Variants in VIPR2 observed in about 807,000 individuals in gnomAD.
The protein encoded by VIPR2 is vasoactive intestinal peptide receptor 2, also known as vasoactive intestinal polypeptide receptor 2.
Under a neutral mutation model 58.0 loss-of-function variants are expected in VIPR2, and 48 were observed. That is an observed-to-expected ratio of 0.83 (90% CI 0.66 to 1.05). The LOEUF (loss-of-function observed/expected upper bound fraction) is 1.05. Ranked by LOEUF, VIPR2 falls within the 50% of genes least tolerant of loss-of-function variation. VIPR2 has a pLI of 0.00. For synonymous variants in VIPR2, 243 were observed against 235.2 expected (o/e 1.03, Z -0.30); for missense variants, 534 against 558.0 (o/e 0.96, Z 0.43).
At position 159,096,976 on chromosome 7, in the gene VIPR2, T is replaced by A. The variant is rs1207740028; in HGVS notation, c.357+6781A>T. ...TGGCACCTGCTGGGCCTGAGGACCA[T>A]GAGGGGAGGCTTCCTTCAGAAAAGC... On this transcript the variant is annotated intron_variant, in intron 4 of 12. Transcript: ENST00000262178. This position sits in a 1 kb window ranked among gnomAD's most constrained non-coding sequence, Gnocchi z 5.5. 1.1e-5 allele frequency: 17 copies of A among 1,550,572 alleles called. No homozygotes were observed. The highest frequency in any genetic ancestry group is 1.2e-5 in the Non-Finnish European group (14 of 1,146,972).
intron 3 of VIPR2, 131 bp downstream of exon 3, chr7:159,109,681 C>A: frequency 1.2e-6 from 1 of 813,246 alleles, no homozygotes; most frequent in Non-Finnish European, 2.0e-6. Flanking sequence ...TATGCCACAG[C>A]TGTTCCCTGA....
intron 2 of VIPR2, among the ~76,000 whole-genome samples, chr7:159,121,897 T>C (rs1796467767): frequency 6.6e-6 from 1 of 152,216 alleles, no homozygotes; most frequent in South Asian, 2.1e-4. Context: ...AAATGCTCAT[T>C]AATAATGTGT....
In VIPR2 at chr7:159,096,579, G is replaced by A. The variant is rs980455790; in HGVS notation, c.357+7178C>T. Among the ~76,000 whole-genome samples, 4 of 152,224 alleles carry A rather than the reference G, an allele frequency of 2.6e-5. No homozygotes were observed. The highest frequency in any genetic ancestry group is 9.6e-5 in the African/African-American group (4 of 41,460). ...GCCATCCCCAGGCACCAGCGTATCT[G>A]TGCATTTCCTTCTTAACCTCCTTCC... On this transcript the variant is annotated intron_variant, in intron 4 of 12. Coordinates refer to ENST00000262178, the MANE Select transcript of VIPR2 (RefSeq NM_003382.5). This position sits in a 1 kb window ranked among gnomAD's most constrained non-coding sequence, Gnocchi z 5.5.
intron 12 of VIPR2, 97 bp from the exon 13 acceptor site, chr7:159,030,886 G>T (rs1585316838): frequency 5.9e-6 from 8 of 1,366,908 alleles, no homozygotes; most frequent in African/African-American, 1.5e-5. Flanking sequence ...TCTCCCTCCC[G>T]CCTGCTCCCG....
At chr7:159,071,796 C>A (rs555792100) in intron 4 of VIPR2, among the ~76,000 whole-genome samples, 1 of 148,306 alleles carries the variant, frequency 6.7e-6, no homozygotes, top group African/African-American at 2.5e-5. Flanking sequence ...ACGATGGTAC[C>A]GGCAGGTAAG....
intron 4 of VIPR2, among the ~76,000 whole-genome samples, chr7:159,102,126 C>A (rs370495234): frequency 8.7e-6 from 1 of 114,794 alleles, no homozygotes; most frequent in South Asian, 2.8e-4. Context: ...CCGACAAGGC[C>A]GTTCCCCCGA....
rs1057127767 is a variant in VIPR2 at position 159,126,041 on chromosome 7, C to T, written c.152-16122G>A. ...ATGAAACAATGCAGGAAGCTGGATG[C>T]GACACCATCCAGGTCCAGATTTCAC... On this transcript the variant is annotated intron_variant, in intron 2 of 12. Transcript: ENST00000262178. Among the ~76,000 whole-genome samples, 5 of 152,158 alleles carry T rather than the reference C, an allele frequency of 3.3e-5. No individual in the cohort carries two copies. In the East Asian group the frequency reaches 5.8e-4, roughly 18 times the overall value.
chr7:159,140,753 C>T (rs545224118), intron 2 of VIPR2, among the ~76,000 whole-genome samples: 1 of 152,310 alleles, frequency 6.6e-6, no homozygotes, highest in Non-Finnish European at 1.5e-5. Context: ...GGACCTGCGG[C>T]CCCTAGCGCC....
rs772922988 is a variant in VIPR2, at chr7:159,097,057, C to T, written c.357+6700G>A. On this transcript the variant is annotated intron_variant, in intron 4 of 12. Transcript: ENST00000262178. This position sits in a 1 kb window ranked among gnomAD's most constrained non-coding sequence, Gnocchi z 5.3. ...CGCTCTGGGGGTCTCTGGCAGGCTC[C>T]TCCTGGCACCCTGGGAGGCTGGTGT... 8 of 1,547,118 alleles carry T rather than the reference C, an allele frequency of 5.2e-6. No individual in the cohort carries two copies. The highest frequency in any genetic ancestry group is 7.0e-6 in the Non-Finnish European group (8 of 1,144,656).
chr7:159,030,579 G>T lies in VIPR2; in HGVS notation c.*37C>A. 1.3e-6 allele frequency: 2 copies of T among 1,497,948 alleles called. No homozygotes were observed. The highest frequency in any genetic ancestry group is 1.8e-6 in the Non-Finnish European group (2 of 1,120,278). The allele number at this position is 1,497,948 out of a possible 1,614,324, so 92.8% of individuals were successfully genotyped here. ...CTCAGCCCCGCAGAAGCCCCGAACC[G>T]TGGGCCTCCCGCCGCGTCCGACAGG... On this transcript the variant is annotated 3_prime_UTR_variant, in exon 13 of 13. Transcript: ENST00000262178.
chr7:159,114,366 G>A (rs571577658), intron 2 of VIPR2, among the ~76,000 whole-genome samples: 1 of 152,062 alleles, frequency 6.6e-6, no homozygotes, highest in East Asian at 1.9e-4. Context: ...GGGCAGCTGA[G>A]ATTTCATGAA....
intron 7 of VIPR2, 105 bp from the exon 8 acceptor site, chr7:159,036,117 A>T: frequency 7.6e-7 from 1 of 1,307,660 alleles, no homozygotes. Flanking sequence ...TCTCACGGGA[A>T]TATTAAGTGC....
intron 10 of VIPR2, among the ~76,000 whole-genome samples, chr7:159,032,751 G>A (rs1232917046): frequency 1.3e-5 from 2 of 152,088 alleles, no homozygotes; most frequent in Non-Finnish European, 2.9e-5. Flanking sequence ...AACAGATTTT[G>A]TTTCCAAATA....
Position 159,097,341 on chromosome 7 carries a change from T to G in VIPR2, c.357+6416A>C, listed in dbSNP as rs1037960653. On this transcript the variant is annotated intron_variant, in intron 4 of 12. Coordinates refer to ENST00000262178, the MANE Select transcript of VIPR2 (RefSeq NM_003382.5). This position sits in a 1 kb window ranked among gnomAD's most constrained non-coding sequence, Gnocchi z 5.3. ...GAGGCCGAAATGCCAAACAGTTCTC[T>G]TGGCTAAATTTAGCAGACGTGCTCT... 3.5e-6 allele frequency: 4 copies of G among 1,137,922 alleles called. No homozygotes were observed. Among genetic ancestry groups the G allele is most frequent in the Non-Finnish European group, 4.6e-6 (4 of 872,642 alleles). The allele number at this position is 1,137,922 out of a possible 1,614,324, so 70.5% of individuals were successfully genotyped here. A position where few individuals can be genotyped will look rare whatever the true frequency, so the allele number is the denominator to read the frequency against.
chr7:159,131,248 T>C (rs567583343), intron 2 of VIPR2, among the ~76,000 whole-genome samples: 1 of 152,286 alleles, frequency 6.6e-6, no homozygotes, highest in South Asian at 2.1e-4. Flanking sequence ...AAACCTTATC[T>C]CCTGTGTAAA....
At chr7:159,136,169 C>T (rs1188788838) in intron 2 of VIPR2, among the ~76,000 whole-genome samples, 1 of 152,142 alleles carries the variant, frequency 6.6e-6, no homozygotes, top group East Asian at 1.9e-4. Flanking sequence ...GTCGAGTGGC[C>T]ACAATGGCTT....
intron 2 of VIPR2, among the ~76,000 whole-genome samples, chr7:159,141,457 G>A (rs1208666768): frequency 2.0e-5 from 3 of 152,376 alleles, no homozygotes; most frequent in South Asian, 2.1e-4. Flanking sequence ...ATTGTCCAGC[G>A]TGGAGACCGC....
At chr7:159,125,086 G>A (rs1796604490) in intron 2 of VIPR2, among the ~76,000 whole-genome samples, 1 of 152,192 alleles carries the variant, frequency 6.6e-6, no homozygotes, top group Admixed American at 6.5e-5. Context: ...TGCAAAAGGG[G>A]TAAGTTGACT....
At chr7:159,131,869 T>G (rs1379020374) in intron 2 of VIPR2, among the ~76,000 whole-genome samples, 1 of 152,230 alleles carries the variant, frequency 6.6e-6, no homozygotes, top group African/African-American at 2.4e-5. Flanking sequence ...TAAGCGACAC[T>G]TAACCTGAGC....
Sources: gnomAD v4.1 joint callset for allele counts (sites outside exome capture counted in the v4.1 genomes callset) on GRCh38, gnomAD v4.1.1 for gene constraint, Gnocchi (gnomAD v3.1) non-coding constraint, MANE v1.5 for transcripts, NCBI Gene and HGNC (gene_info 2026-07-23, HGNC 2026-07-21) for gene names.